LINC00305: variants seen among roughly 807,000 people sequenced by gnomAD.
The protein encoded by LINC00305 is long independently transcribed non-coding RNA 305.
At position 64,101,765 on chromosome 18, in the gene LINC00305, T is replaced by G. The variant is rs78747568; in HGVS notation, n.315-3125A>C. ...TTTTTCTATGGCATCTTCATTTCCT[T>G]GCAGCAGCCTCACAGAAAAGCAAAA... is the stretch of plus-strand genomic sequence containing the variant. On this transcript the variant is annotated intron_variant and non_coding_transcript_variant, in intron 1 of 3. Transcript: ENST00000666468. 5.2e-3 allele frequency among the ~76,000 whole-genome samples: 790 copies of G among 152,318 alleles called. 8 individuals carry two copies. Among genetic ancestry groups the G allele is most frequent in the African/African-American group, 0.018 (764 of 41,574 alleles).
At chr18:64,117,792 C>T (rs2051344305) in intron 1 of LINC00305, among the ~76,000 whole-genome samples, 1 of 152,178 alleles carries the variant, frequency 6.6e-6, no homozygotes, top group African/African-American at 2.4e-5. Context: ...TGTTTCCACA[C>T]ATTTGTTTTC....
intron 1 of LINC00305, among the ~76,000 whole-genome samples, chr18:64,106,765 C>G (rs919100237): frequency 6.6e-6 from 1 of 151,988 alleles, no homozygotes; most frequent in Non-Finnish European, 1.5e-5. Flanking sequence ...GCAGGAACAA[C>G]TGGAATTAGA....
chr18:64,124,524 A>G (rs2051376613), intron 1 of LINC00305, among the ~76,000 whole-genome samples: 1 of 152,138 alleles, frequency 6.6e-6, no homozygotes, highest in Non-Finnish European at 1.5e-5. Flanking sequence ...AACTGATTAA[A>G]TTTTTTAAAA....
At chr18:64,113,075 A>G (rs548474555) in intron 1 of LINC00305, among the ~76,000 whole-genome samples, 2 of 152,338 alleles carry the variant, frequency 1.3e-5, no homozygotes, top group South Asian at 2.1e-4. Flanking sequence ...TTTGCATTCA[A>G]AGAAAGCCAT....
At chr18:64,085,486 T>G (rs149678757) in intron 3 of LINC00305, among the ~76,000 whole-genome samples, 2,295 of 151,670 alleles carry the variant, frequency 0.015, 52 homozygotes, top group African/African-American at 0.053. Context: ...TTTTTGAGAC[T>G]GAGTCTCGCT....
At chr18:64,143,632 A>T (rs2051479208) in intron 1 of LINC00305, among the ~76,000 whole-genome samples, 1 of 104,424 alleles carries the variant, frequency 9.6e-6, no homozygotes, top group East Asian at 2.5e-4. Flanking sequence ...ATGTATGTAC[A>T]CGTATTATGT....
intron 1 of LINC00305, among the ~76,000 whole-genome samples, chr18:64,128,408 T>C (rs541655836): frequency 6.6e-6 from 1 of 152,194 alleles, no homozygotes; most frequent in East Asian, 1.9e-4. Flanking sequence ...TAACATAAAC[T>C]GAAAAGGAAG....
intron 1 of LINC00305, among the ~76,000 whole-genome samples, chr18:64,146,605 C>T (rs999914001): frequency 5.9e-5 from 9 of 152,298 alleles, no homozygotes; most frequent in South Asian, 2.1e-4. Flanking sequence ...CTCCCACCAG[C>T]GGGGCTTCTG....
chr18:64,090,327 C>A (rs1401359053), intron 3 of LINC00305, among the ~76,000 whole-genome samples: 1 of 152,202 alleles, frequency 6.6e-6, no homozygotes, highest in East Asian at 1.9e-4. Context: ...TAATCTCTCA[C>A]AACCTCATTC....
chr18:64,132,219 A>G (rs897092930), intron 1 of LINC00305, among the ~76,000 whole-genome samples: 1 of 152,230 alleles, frequency 6.6e-6, no homozygotes, highest in African/African-American at 2.4e-5. Context: ...GAAAAACATC[A>G]TTTTAAGTGA....
chr18:64,143,586 A>ATATG (rs1568120093), intron 1 of LINC00305, among the ~76,000 whole-genome samples: 9 of 100,722 alleles, frequency 8.9e-5, no homozygotes, highest in Non-Finnish European at 1.7e-4. Flanking sequence ...GTATATGTAC[A>ATATG]TATGTACACA....
At chr18:64,104,400 A>G (rs1251746805) in intron 1 of LINC00305, among the ~76,000 whole-genome samples, 1 of 152,230 alleles carries the variant, frequency 6.6e-6, no homozygotes, top group Non-Finnish European at 1.5e-5. Context: ...ATTTTGAGGC[A>G]GAGAAAAGGG....
chr18:64,094,546 C>G (rs748765574), intron 3 of LINC00305, among the ~76,000 whole-genome samples: 1 of 152,142 alleles, frequency 6.6e-6, no homozygotes, highest in Non-Finnish European at 1.5e-5. Context: ...AGGCATCCCC[C>G]TAAGCAGTGA....
chr18:64,098,631 A>G (rs1424178170), exon 2 of LINC00305: 2 of 429,950 alleles, frequency 4.7e-6, no homozygotes, highest in South Asian at 1.7e-5. Context: ...GGAACCAGAT[A>G]ATTTCCATCC....
intron 1 of LINC00305, among the ~76,000 whole-genome samples, chr18:64,101,138 T>C (rs1405528270): frequency 1.3e-5 from 2 of 152,196 alleles, no homozygotes; most frequent in East Asian, 1.9e-4. Context: ...TTGTATTTGA[T>C]AACCCCTTTT....
At chr18:64,092,054 C>A (rs1280486160) in intron 3 of LINC00305, among the ~76,000 whole-genome samples, 1 of 152,150 alleles carries the variant, frequency 6.6e-6, no homozygotes, top group African/African-American at 2.4e-5. Flanking sequence ...ACAATTTCTG[C>A]CCTTAGGAAA....
At chr18:64,147,255 A>C (rs540887678) in intron 1 of LINC00305, 1 of 152,330 alleles carries the variant, frequency 6.6e-6, no homozygotes, top group African/African-American at 2.4e-5. Context: ...TACCTTATAA[A>C]GATTATAGCA....
chr18:64,105,829 A>G (rs895255981), intron 1 of LINC00305, among the ~76,000 whole-genome samples: 11 of 152,258 alleles, frequency 7.2e-5, no homozygotes, highest in Non-Finnish European at 1.6e-4. Flanking sequence ...AGTAGGTGAG[A>G]GAAGCATCAC....
intron 2 of LINC00305, among the ~76,000 whole-genome samples, chr18:64,098,242 A>C (rs1281382647): frequency 1.3e-5 from 2 of 152,208 alleles, no homozygotes; most frequent in Non-Finnish European, 2.9e-5. Flanking sequence ...TAAGCGATTC[A>C]TAAACCTGAC....
Sources: allele counts gnomAD v4.1 joint callset (sites outside exome capture counted in the v4.1 genomes callset), GRCh38; gene constraint gnomAD v4.1.1; transcripts MANE v1.5; gene names NCBI Gene and HGNC (gene_info 2026-07-23, HGNC 2026-07-21).